NUP93: variants seen among roughly 807,000 people sequenced by gnomAD.
NUP93 encodes nucleoporin 93.
A neutral mutation model predicts 107.8 loss-of-function variants in NUP93; 55 were observed. The observed-to-expected ratio is 0.51, with a 90% CI of 0.41 to 0.64. NUP93 has a LOEUF of 0.64. NUP93 is among the 30% of genes least tolerant of loss of function. NUP93 has a pLI of 0.00. For synonymous variants in NUP93, 390 were observed against 397.5 expected (o/e 0.98, Z 0.22); for missense variants, 937 against 1,044.7 (o/e 0.90, Z 1.42).
chr16:56,832,736 G>A (rs1231167715), intron 12 of NUP93, among the ~76,000 whole-genome samples: 2 of 152,112 alleles, frequency 1.3e-5, no homozygotes, highest in Non-Finnish European at 2.9e-5. Context: ...GAGAGAAACA[G>A]CCTTTCTTCT....
intron 5 of NUP93, among the ~76,000 whole-genome samples, chr16:56,809,197 C>T (rs992916044): frequency 6.6e-6 from 1 of 152,134 alleles, no homozygotes; most frequent in African/African-American, 2.4e-5. Context: ...GGAGCCAGGG[C>T]TTGCCACACA....
At chr16:56,821,728 T>C in intron 7 of NUP93, 135 bp downstream of exon 7, 1 of 560,542 alleles carries the variant, frequency 1.8e-6, no homozygotes, top group South Asian at 2.7e-5. Context: ...TCTTCAGTTT[T>C]ATTTTAAATA....
At chr16:56,744,197 A>G (rs1273179144) in intron 1 of NUP93, among the ~76,000 whole-genome samples, 1 of 152,144 alleles carries the variant, frequency 6.6e-6, no homozygotes, top group African/African-American at 2.4e-5. Flanking sequence ...TTTTCCCAAC[A>G]CATGGCTTGG....
chr16:56,732,249 A>G (rs1961547689), intron 1 of NUP93, among the ~76,000 whole-genome samples: 1 of 151,986 alleles, frequency 6.6e-6, no homozygotes, highest in African/African-American at 2.4e-5. Context: ...GAGTGAGGGG[A>G]TTTTTATCTG....
intron 3 of NUP93, among the ~76,000 whole-genome samples, chr16:56,794,176 G>T (rs1215956928): frequency 6.6e-6 from 1 of 152,116 alleles, no homozygotes; most frequent in African/African-American, 2.4e-5. Context: ...GAACACGTGT[G>T]TTTTTTAAAA....
At chr16:56,837,786 T>G in intron 18 of NUP93, 60 bp downstream of exon 18, 1 of 1,250,116 alleles carries the variant, frequency 8.0e-7, no homozygotes, top group Non-Finnish European at 1.2e-6. Context: ...CCAGGCCACC[T>G]ATGCCCACCC....
intron 3 of NUP93, chr16:56,782,098 T>C: frequency 1.0e-6 from 1 of 985,262 alleles, no homozygotes; most frequent in Non-Finnish European, 1.2e-6. Context: ...CAGTTTGGGG[T>C]GGGAAAAACT....
chr16:56,764,646 G>C (rs1348289053), intron 3 of NUP93, among the ~76,000 whole-genome samples: 3 of 152,220 alleles, frequency 2.0e-5, no homozygotes, highest in Admixed American at 1.3e-4. Context: ...CTAATTGGAT[G>C]TTTGTAGTAC....
At chr16:56,791,360 A>G (rs1386112805) in intron 3 of NUP93, among the ~76,000 whole-genome samples, 3 of 152,232 alleles carry the variant, frequency 2.0e-5, no homozygotes, top group African/African-American at 4.8e-5. Context: ...CTTATCTGCT[A>G]TAGGTGGGAA....
chr16:56,812,438 G>A (rs2144591330), intron 5 of NUP93, among the ~76,000 whole-genome samples: 1 of 152,156 alleles, frequency 6.6e-6, no homozygotes, highest in South Asian at 2.1e-4. Flanking sequence ...CCGCCTCCCG[G>A]GTTCGTGCCA....
intron 4 of NUP93, among the ~76,000 whole-genome samples, chr16:56,800,004 A>G (rs1962985971): frequency 6.6e-6 from 1 of 152,178 alleles, no homozygotes; most frequent in African/African-American, 2.4e-5. Context: ...CCATCATGGC[A>G]AAACCCTGTC....
chr16:56,739,725 AC>A (rs1961682773), intron 1 of NUP93, among the ~76,000 whole-genome samples: 1 of 81,498 alleles, frequency 1.2e-5, no homozygotes, highest in African/African-American at 5.6e-5. Context: ...CGGGGGGCCG[AC>A]CCCCCCACCT....
chr16:56,836,451 C>T lies in NUP93; in HGVS notation c.1783-150C>T, dbSNP rs1963912950. ...TAGGACTTTATATCTTTAAGAAAGC[C>T]AGAGTCTGGCTGATGAAATATATGC... On this transcript the variant is annotated intron_variant, in intron 16 of 21. Transcript: ENST00000308159. 4.7e-6 allele frequency: 3 copies of T among 637,382 alleles called. No individual in the cohort carries two copies. In the South Asian group the frequency reaches 5.8e-5, roughly 12 times the overall value. 39.5% of individuals were successfully genotyped at this position (637,382 alleles called of 1,614,324 possible).
At chr16:56,811,678 C>A (rs1435741839) in intron 5 of NUP93, among the ~76,000 whole-genome samples, 1 of 152,118 alleles carries the variant, frequency 6.6e-6, no homozygotes, top group African/African-American at 2.4e-5. Flanking sequence ...ACCATATTGG[C>A]CAGGCTGGTC....
intron 12 of NUP93, among the ~76,000 whole-genome samples, chr16:56,832,811 G>C (rs1176075621): frequency 1.3e-5 from 2 of 152,158 alleles, no homozygotes; most frequent in African/African-American, 2.4e-5. Context: ...ACCAGTTGTT[G>C]CATTCAGATT....
intron 3 of NUP93, among the ~76,000 whole-genome samples, chr16:56,776,472 A>G (rs1169172377): frequency 6.6e-6 from 1 of 152,254 alleles, no homozygotes; most frequent in African/African-American, 2.4e-5. Context: ...AAATCTGAAT[A>G]TCTAGATTTG....
At chr16:56,747,007 T>C (rs1282628411) in intron 1 of NUP93, among the ~76,000 whole-genome samples, 1 of 152,130 alleles carries the variant, frequency 6.6e-6, no homozygotes, top group East Asian at 1.9e-4. Flanking sequence ...ATTTTTTTTT[T>C]TTTTTTCCAA....
intron 3 of NUP93, among the ~76,000 whole-genome samples, chr16:56,769,314 T>C (rs1212015862): frequency 2.6e-5 from 4 of 152,166 alleles, no homozygotes; most frequent in African/African-American, 9.7e-5. Flanking sequence ...TGAATGGATG[T>C]GGTAGGCATA....
At chr16:56,808,417 G>A (rs187728210) in intron 5 of NUP93, among the ~76,000 whole-genome samples, 1 of 17,732 alleles carries the variant, frequency 5.6e-5, no homozygotes, top group Admixed American at 1.1e-3. Context: ...ATATAGTTAT[G>A]TAACTATATA....
Sources: gnomAD v4.1 joint callset for allele counts (sites outside exome capture counted in the v4.1 genomes callset) on GRCh38, gnomAD v4.1.1 for gene constraint, MANE v1.5 for transcripts, NCBI Gene and HGNC (gene_info 2026-07-23, HGNC 2026-07-21) for gene names.